FAM167A: variants seen among roughly 807,000 people sequenced by gnomAD.
FAM167A encodes family with sequence similarity 167 member A.
FAM167A carries 23 observed loss-of-function variants against 14.9 expected under a neutral mutation model. That is an observed-to-expected ratio of 1.55 (90% CI 1.11 to 2.19). The LOEUF is 2.19. Among genes scored for constraint, FAM167A ranks in the 30% most tolerant of loss-of-function variants. The pLI is 0.00. For synonymous variants in FAM167A, 174 were observed against 117.7 expected (o/e 1.48, Z -3.10); for missense variants, 401 against 281.5 (o/e 1.42, Z -3.04).
chr8:11,472,278 G>C (rs1022076453), upstream of FAM167A, among the ~76,000 whole-genome samples: 1 of 152,156 alleles, frequency 6.6e-6, no homozygotes, highest in African/African-American at 2.4e-5. Flanking sequence ...CTTTGAGTTT[G>C]TGGAGTTTGC....
intron 2 of FAM167A, among the ~76,000 whole-genome samples, chr8:11,440,679 A>G (rs1806383987): frequency 6.6e-6 from 1 of 152,168 alleles, no homozygotes; most frequent in Non-Finnish European, 1.5e-5. Context: ...AAATATCCAC[A>G]CGACTAAGGG....
chr8:11,436,411 G>T (rs1216195244), intron 2 of FAM167A, among the ~76,000 whole-genome samples: 1 of 152,228 alleles, frequency 6.6e-6, no homozygotes, highest in African/African-American at 2.4e-5. Context: ...CATGGCCCAG[G>T]TACGGCTGTT....
At chr8:11,451,920 C>T (rs543511454) in intron 1 of FAM167A, among the ~76,000 whole-genome samples, 4 of 152,182 alleles carry the variant, frequency 2.6e-5, no homozygotes, top group Non-Finnish European at 5.9e-5. Flanking sequence ...CACCTGACAG[C>T]CTTACAATAA....
Position 11,444,316 on chromosome 8 carries a change from G to A in FAM167A, c.96C>T (p.Ala32=). The A allele has an allele frequency of 6.2e-7, 1 of 1,612,304 alleles. No homozygotes were observed. The highest frequency in any genetic ancestry group is 8.5e-7 in the Non-Finnish European group (1 of 1,179,704). ...TCTCCAGCCTCAGTTTCTCGGTGAGGGCCTTCAGGCTCCGGAGGTGGTCAT... is the reference window on the plus strand; with the variant it reads ...TCTCCAGCCTCAGTTTCTCGGTGAGAGCCTTCAGGCTCCGGAGGTGGTCAT... ...PPDDHLRSLK[A]LTEKLRLETR... is the part of the protein sequence containing the mutation. Residue 32 remains alanine, a synonymous_variant, in exon 2 of 3, where the codon GCC becomes GCT. Coordinates refer to ENST00000284486, the MANE Select transcript of FAM167A (RefSeq NM_053279.3).
chr8:11,446,089 G>T (rs1041793300), intron 1 of FAM167A, among the ~76,000 whole-genome samples: 13 of 152,052 alleles, frequency 8.5e-5, no homozygotes, highest in African/African-American at 3.1e-4. Context: ...GGGGAACTGG[G>T]CAGAAGGGAG....
intron 2 of FAM167A, among the ~76,000 whole-genome samples, chr8:11,432,743 A>G (rs184286688): frequency 2.6e-4 from 40 of 152,362 alleles, no homozygotes; most frequent in Middle Eastern, 3.4e-3. Context: ...AAATCATTCT[A>G]TGATAAAGAC....
At chr8:11,431,917 A>AAAAAG (rs752330983) in intron 2 of FAM167A, among the ~76,000 whole-genome samples, 2,620 of 99,464 alleles carry the variant, frequency 0.026, 670 homozygotes, top group African/African-American at 0.092. Flanking sequence ...AAAAAAAAAA[A>AAAAAG]AAGGATTTTG....
At chr8:11,437,465 C>G (rs1289507428) in intron 2 of FAM167A, among the ~76,000 whole-genome samples, 1 of 152,160 alleles carries the variant, frequency 6.6e-6, no homozygotes, top group Non-Finnish European at 1.5e-5. Flanking sequence ...ATCACAAAAC[C>G]AAGAAGTCTT....
At chr8:11,465,521 G>T (rs1807728975) in intron 1 of FAM167A, among the ~76,000 whole-genome samples, 1 of 152,210 alleles carries the variant, frequency 6.6e-6, no homozygotes, top group Non-Finnish European at 1.5e-5. Flanking sequence ...AGAAAGAAGA[G>T]CTGTCATCTT....
intron 1 of FAM167A, chr8:11,445,088 G>A (rs968481340): frequency 5.1e-6 from 5 of 974,486 alleles, no homozygotes; most frequent in South Asian, 4.7e-5. Context: ...GCAGGGATTT[G>A]TTTTTATTCT....
Position 11,455,891 on chromosome 8 carries a change from CAGAGTG to C in FAM167A, c.-398+10729_-398+10734del, listed in dbSNP as rs764199437. On this transcript the variant is annotated intron_variant, in intron 1 of 2. Coordinates refer to ENST00000284486, the MANE Select transcript of FAM167A (RefSeq NM_053279.3). ...GTGTGAGTGTGGGGTGGTTGCCTTG[CAGAGTG>C]TGAGTGTGAGTGTGAGGGGTGGTTG... Among the ~76,000 whole-genome samples, 405 of 57,282 alleles carry C rather than the reference CAGAGTG, an allele frequency of 7.1e-3. 2 individuals carry two copies. The highest frequency in any genetic ancestry group is 0.024 in the African/African-American group (368 of 15,052). The allele number at this position is 57,282 out of a possible 152,430, so 37.6% of individuals were successfully genotyped here.
intron 2 of FAM167A, among the ~76,000 whole-genome samples, chr8:11,439,885 G>T (rs1806324586): frequency 6.6e-6 from 1 of 152,144 alleles, no homozygotes; most frequent in African/African-American, 2.4e-5. Flanking sequence ...GAGTGCCCAG[G>T]GCCCCATCCC....
At chr8:11,433,244 G>A (rs73663135) in intron 2 of FAM167A, among the ~76,000 whole-genome samples, 2,580 of 152,010 alleles carry the variant, frequency 0.017, 61 homozygotes, top group African/African-American at 0.058. Context: ...GTAATTGTCC[G>A]ACCATTGGAA....
rs1428598975 is a variant in FAM167A at position 11,422,140 on chromosome 8, C to T, written c.*2233G>A. 1 of 265,060 alleles carries T rather than the reference C, an allele frequency of 3.8e-6. No homozygotes were observed. The highest frequency in any genetic ancestry group is 7.0e-6 in the Non-Finnish European group (1 of 142,174). The allele number at this position is 265,060 out of a possible 1,614,324, so 16.4% of individuals were successfully genotyped here. ...AGAGAATGAAGAAAGCAAGCAAGCACTGGGTTACCCAAGCAACTAAATCAC... is the reference window on the plus strand; with the variant it reads ...AGAGAATGAAGAAAGCAAGCAAGCATTGGGTTACCCAAGCAACTAAATCAC... On this transcript the variant is annotated 3_prime_UTR_variant, in exon 3 of 3. Coordinates refer to ENST00000284486, the MANE Select transcript of FAM167A (RefSeq NM_053279.3).
At chr8:11,427,868 C>A (rs180683386) in intron 2 of FAM167A, among the ~76,000 whole-genome samples, 1 of 152,136 alleles carries the variant, frequency 6.6e-6, no homozygotes, top group African/African-American at 2.4e-5. Context: ...TAATTAAATT[C>A]TATTGACCTA....
At chr8:11,425,773 T>A (rs1445660037) in intron 2 of FAM167A, among the ~76,000 whole-genome samples, 1 of 152,106 alleles carries the variant, frequency 6.6e-6, no homozygotes, top group African/African-American at 2.4e-5. Flanking sequence ...GGTAGCAAAT[T>A]CCTGCCTCTG....
chr8:11,424,496 C>T lies in FAM167A; in HGVS notation c.522G>A (p.Arg174=), dbSNP rs942595478. ...LNDATYELEE[R]DELADLFCDS... is the part of the protein sequence containing the mutation. ...CACAGAAGAGGTCGGCCAGCTCATC[C>T]CGCTCCTCCAGCTCGTAGGTGGCAT... Residue 174 remains arginine, a synonymous_variant, in exon 3 of 3, where the codon CGG becomes CGA. Coordinates refer to ENST00000284486, the MANE Select transcript of FAM167A (RefSeq NM_053279.3). The T allele has an allele frequency of 1.2e-6, 2 of 1,614,100 alleles. No homozygotes were observed. Among genetic ancestry groups the T allele is most frequent in the African/African-American group, 1.3e-5 (1 of 75,038 alleles).
intron 2 of FAM167A, among the ~76,000 whole-genome samples, chr8:11,435,890 G>A (rs1458502582): frequency 6.6e-6 from 1 of 152,222 alleles, no homozygotes; most frequent in East Asian, 1.9e-4. Flanking sequence ...TCGAGTTCCG[G>A]AATTACTAGT....
Position 11,425,715 on chromosome 8 carries a change from T to C in FAM167A, c.382-1079A>G, listed in dbSNP as rs1805089844. Among the ~76,000 whole-genome samples the C allele has an allele frequency of 4.6e-5, 7 of 152,208 alleles. No homozygotes were observed. In the South Asian group the frequency reaches 1.0e-3, roughly 23 times the overall value. ...TAGGCACAGCAGATCGGCATTAACA[T>C]TGAAATAGAGATATAAGACTGACAA... On this transcript the variant is annotated intron_variant, in intron 2 of 2. Coordinates refer to ENST00000284486, the MANE Select transcript of FAM167A (RefSeq NM_053279.3).
Sources: gnomAD v4.1 joint callset for allele counts (sites outside exome capture counted in the v4.1 genomes callset) on GRCh38, gnomAD v4.1.1 for gene constraint, MANE v1.5 for transcripts, NCBI Gene and HGNC (gene_info 2026-07-23, HGNC 2026-07-21) for gene names.